DTNBP1: variants seen among roughly 807,000 people sequenced by gnomAD.
DTNBP1 encodes dysbindin.
DTNBP1 carries 35 observed loss-of-function variants against 42.8 expected under a neutral mutation model. That is an observed-to-expected ratio of 0.82 (90% CI 0.63 to 1.09). DTNBP1 has a LOEUF of 1.09. Ranked by LOEUF, DTNBP1 falls within the 50% of genes least tolerant of loss-of-function variation. DTNBP1 has a pLI of 0.00. For missense variants in DTNBP1, 457 were observed against 424.2 expected (o/e 1.08, Z -0.68); for synonymous variants, 171 against 162.2 (o/e 1.05, Z -0.41).
intron 7 of DTNBP1, among the ~76,000 whole-genome samples, chr6:15,555,273 T>C (rs1020869258): frequency 2.0e-5 from 3 of 151,578 alleles, no homozygotes; most frequent in Admixed American, 2.0e-4. Flanking sequence ...TTTAGGATGT[T>C]AAGAATCTAA....
At chr6:15,523,254 A>G (rs779386614) in intron 9 of DTNBP1, 35 bp from the exon 10 acceptor site, 23 of 1,613,064 alleles carry the variant, frequency 1.4e-5, no homozygotes, top group South Asian at 5.5e-5. Context: ...AAGCCCTGTC[A>G]TAAAAATATT....
At chr6:15,613,327 A>G (rs1334410529) in intron 6 of DTNBP1, among the ~76,000 whole-genome samples, 1 of 146,410 alleles carries the variant, frequency 6.8e-6, no homozygotes, top group Non-Finnish European at 1.5e-5. Flanking sequence ...AAAAAAAAAA[A>G]AAAAATGCCC....
At chr6:15,538,131 T>A (rs1165926201) in intron 7 of DTNBP1, among the ~76,000 whole-genome samples, 2 of 152,194 alleles carry the variant, frequency 1.3e-5, no homozygotes, top group Non-Finnish European at 2.9e-5. Context: ...GCCTAGGTGA[T>A]GTCCATGGCA....
intron 6 of DTNBP1, among the ~76,000 whole-genome samples, chr6:15,612,310 T>C (rs531689748): frequency 2.0e-5 from 3 of 152,126 alleles, no homozygotes; most frequent in South Asian, 4.1e-4. Context: ...GCACATTTAA[T>C]AGACTACATA....
intron 7 of DTNBP1, among the ~76,000 whole-genome samples, chr6:15,566,536 T>C (rs1462769543): frequency 6.6e-6 from 1 of 152,070 alleles, no homozygotes; most frequent in African/African-American, 2.4e-5. Flanking sequence ...ACAAACTCTT[T>C]GCAGCAATAA....
intron 6 of DTNBP1, among the ~76,000 whole-genome samples, chr6:15,603,515 T>C (rs902561994): frequency 6.6e-6 from 1 of 152,240 alleles, no homozygotes; most frequent in Non-Finnish European, 1.5e-5. Context: ...CAGTTTTTAA[T>C]GGCTTTGATT....
intron 8 of DTNBP1, among the ~76,000 whole-genome samples, chr6:15,527,808 G>T (rs1012202769): frequency 6.6e-6 from 1 of 152,212 alleles, no homozygotes; most frequent in African/African-American, 2.4e-5. Flanking sequence ...CAGGAACACA[G>T]CTAAGGGGGA....
At chr6:15,530,972 C>A (rs971045480) in intron 8 of DTNBP1, among the ~76,000 whole-genome samples, 8 of 152,138 alleles carry the variant, frequency 5.3e-5, no homozygotes, top group African/African-American at 1.9e-4. Flanking sequence ...ATATTTGGAG[C>A]TGGGGCCTTT....
intron 1 of DTNBP1, 62 bp downstream of exon 1, chr6:15,662,752 G>A (rs1373599621): frequency 5.6e-6 from 9 of 1,602,650 alleles, no homozygotes; most frequent in African/African-American, 2.7e-5. Context: ...AGCGAGGCAG[G>A]GGCATCCCAG....
chr6:15,606,057 A>T (rs1004185543), intron 6 of DTNBP1, among the ~76,000 whole-genome samples: 2 of 152,242 alleles, frequency 1.3e-5, no homozygotes, highest in Non-Finnish European at 2.9e-5. Context: ...AGCTAAAGAG[A>T]GATGTCCTAC....
At position 15,628,394 on chromosome 6, in the gene DTNBP1, G is replaced by T. The variant is rs533626239; in HGVS notation, c.223-919C>A. On this transcript the variant is annotated intron_variant, in intron 4 of 9. Coordinates refer to ENST00000344537, the MANE Select transcript of DTNBP1 (RefSeq NM_032122.5). ...GACAATTTGTACATCTCAAGATTAA[G>T]GTTCTTTTTTTTTTTTTTTTTTTTT... 6.4e-5 allele frequency among the ~76,000 whole-genome samples: 9 copies of T among 140,524 alleles called. No individual in the cohort carries two copies. In the South Asian group the frequency reaches 2.0e-3, roughly 31 times the overall value. 92.2% of individuals were successfully genotyped at this position (140,524 alleles called of 152,430 possible). A position where few individuals can be genotyped will look rare whatever the true frequency, so the allele number is the denominator to read the frequency against.
chr6:15,620,174 T>C (rs1276931538), intron 5 of DTNBP1, among the ~76,000 whole-genome samples: 2 of 152,158 alleles, frequency 1.3e-5, no homozygotes, highest in Non-Finnish European at 2.9e-5. Context: ...CATGGTGCTT[T>C]TGAATCTAGC....
intron 6 of DTNBP1, among the ~76,000 whole-genome samples, chr6:15,593,934 T>G (rs1367921307): frequency 6.6e-6 from 1 of 152,178 alleles, no homozygotes; most frequent in African/African-American, 2.4e-5. Flanking sequence ...TCTACACACC[T>G]AATTACAATA....
chr6:15,648,386 T>C (rs1318144262), intron 3 of DTNBP1, among the ~76,000 whole-genome samples: 1 of 152,002 alleles, frequency 6.6e-6, no homozygotes, highest in Non-Finnish European at 1.5e-5. Flanking sequence ...CAGTACTGGA[T>C]GGTCTAGCCA....
chr6:15,619,220 T>G (rs1322098950), intron 5 of DTNBP1, among the ~76,000 whole-genome samples: 1 of 152,168 alleles, frequency 6.6e-6, no homozygotes, highest in South Asian at 2.1e-4. Context: ...GGATTTTGAA[T>G]GTTCCCAAAA....
rs1028785830 is a variant in DTNBP1 at position 15,587,098 on chromosome 6, G to T, written c.511+5961C>A. ...CAGATCCTTCTCCTGAGGTTCAACA[G>T]CCCATTGGACACTTCCACCTATAAT... is the stretch of plus-strand genomic sequence containing the variant. On this transcript the variant is annotated intron_variant, in intron 7 of 9. Transcript: ENST00000344537. The surrounding 1 kb of genome is among the most constrained non-coding windows in gnomAD (Gnocchi z 4.1). Among the ~76,000 whole-genome samples, 15 of 152,258 alleles carry T rather than the reference G, an allele frequency of 9.9e-5. No homozygotes were observed. Among genetic ancestry groups the T allele is most frequent in the African/African-American group, 3.6e-4 (15 of 41,550 alleles).
intron 6 of DTNBP1, among the ~76,000 whole-genome samples, chr6:15,603,032 T>C (rs570219081): frequency 3.3e-5 from 5 of 152,364 alleles, no homozygotes; most frequent in African/African-American, 1.2e-4. Context: ...AATAAACTGT[T>C]AAATATTCTA....
At chr6:15,586,948 T>C (rs904860604) in intron 7 of DTNBP1, among the ~76,000 whole-genome samples, 1 of 152,226 alleles carries the variant, frequency 6.6e-6, no homozygotes, top group Non-Finnish European at 1.5e-5. Flanking sequence ...TGGTGAATGT[T>C]GGTGCTTCCT....
chr6:15,650,457 T>C lies in DTNBP1; in HGVS notation c.161+856A>G, dbSNP rs560112223. Among the ~76,000 whole-genome samples, 4 of 152,168 alleles carry C rather than the reference T, an allele frequency of 2.6e-5. No individual in the cohort carries two copies. The East Asian group carries it at 7.7e-4, about 29-fold the overall frequency. On this transcript the variant is annotated intron_variant, in intron 3 of 9. Coordinates refer to ENST00000344537, the MANE Select transcript of DTNBP1 (RefSeq NM_032122.5). The stretch of plus-strand genomic sequence containing the variant: ...CACCAGGCCCAGCTAATTTTTGTAT[T>C]TTTAGTAAGAGACAGGGTTTCACCA...
Sources: gnomAD v4.1 joint callset for allele counts (sites outside exome capture counted in the v4.1 genomes callset) on GRCh38, gnomAD v4.1.1 for gene constraint, Gnocchi (gnomAD v3.1) non-coding constraint, MANE v1.5 for transcripts, NCBI Gene and HGNC (gene_info 2026-07-23, HGNC 2026-07-21) for gene names.